The following STIM1 variants were observed in gnomAD, a reference collection of about 807,000 sequenced individuals.
STIM1 encodes stromal interaction molecule 1.
In STIM1, 25 loss-of-function variants were observed where a neutral mutation model predicts 74.7. That is an observed-to-expected ratio of 0.33 (90% CI 0.24 to 0.47). STIM1 has a LOEUF of 0.47. STIM1 is among the 20% of genes least tolerant of loss of function. The pLI is 1.00. For synonymous variants in STIM1, 328 were observed against 348.8 expected (o/e 0.94, Z 0.66); for missense variants, 728 against 920.8 (o/e 0.79, Z 2.71).
intron 12 of STIM1, 166 bp downstream of exon 12, chr11:4,086,709 T>TACCACC (rs753506968): frequency 2.6e-6 from 4 of 1,538,192 alleles, no homozygotes; most frequent in South Asian, 2.4e-5. Context: ...CCATCACCAC[T>TACCACC]ACCACCACCA....
intron 3 of STIM1, among the ~76,000 whole-genome samples, chr11:4,049,201 G>C (rs1327162517): frequency 3.3e-5 from 5 of 152,114 alleles, no homozygotes; most frequent in Non-Finnish European, 5.9e-5. Flanking sequence ...TGTTATGACA[G>C]AAAATCCTTT....
chr11:3,967,502 G>T (rs1261603072), intron 1 of STIM1, 50 bp from the exon 2 acceptor site: 2 of 1,613,302 alleles, frequency 1.2e-6, no homozygotes, highest in Non-Finnish European at 1.7e-6. Flanking sequence ...TGGGTGATAG[G>T]TTCTGGGTGG....
chr11:3,950,480 G>A lies in STIM1; in HGVS notation c.140-17072G>A, dbSNP rs149219310. ...TCATGTACCATTGTACATAAGTACT[G>A]GAGTTTAACCATTCACTTGTTGAAG... On this transcript the variant is annotated intron_variant, in intron 1 of 12. Transcript: ENST00000526596. Among the ~76,000 whole-genome samples the A allele has an allele frequency of 7.5e-3, 1,141 of 152,200 alleles. 11 individuals carry two copies. The highest frequency in any genetic ancestry group is 0.012 in the Admixed American group (191 of 15,288).
Position 3,856,089 on chromosome 11 carries a change from C to T in STIM1, c.-182C>T. The T allele has an allele frequency of 2.7e-6, 2 of 729,296 alleles. No homozygotes were observed. Among genetic ancestry groups the T allele is most frequent in the East Asian group, 2.7e-5 (1 of 36,720 alleles). The allele number at this position is 729,296 out of a possible 1,614,324, so 45.2% of individuals were successfully genotyped here. A position where few individuals can be genotyped will look rare whatever the true frequency, so the allele number is the denominator to read the frequency against. On this transcript the variant is annotated 5_prime_UTR_variant, in exon 1 of 13. Coordinates refer to ENST00000526596, the MANE Select transcript of STIM1 (RefSeq NM_001382567.1). ...CTGAGGAGCCAGCCCTCCTCCCGCA[C>T]CCAAACTTGGAGCACTTGACCTTTG...
chr11:3,859,499 G>A (rs535849473), intron 1 of STIM1, among the ~76,000 whole-genome samples: 26 of 152,226 alleles, frequency 1.7e-4, no homozygotes, highest in Admixed American at 7.8e-4. Context: ...GACCTCAGGT[G>A]GAGTCTGGAG....
intron 4 of STIM1, among the ~76,000 whole-genome samples, chr11:4,058,175 A>C (rs1294282866): frequency 1.3e-5 from 2 of 152,236 alleles, no homozygotes; most frequent in African/African-American, 4.8e-5. Flanking sequence ...TGTAGGAAGC[A>C]TCTGATTTTA....
chr11:4,055,502 G>A, intron 3 of STIM1, 24 bp from the exon 4 acceptor site: 1 of 1,550,852 alleles, frequency 6.4e-7, no homozygotes, highest in Non-Finnish European at 8.8e-7. Flanking sequence ...CTAGAGTCAT[G>A]GCTTTGCTTG....
At chr11:4,003,291 A>T (rs1268176412) in intron 2 of STIM1, among the ~76,000 whole-genome samples, 1 of 150,904 alleles carries the variant, frequency 6.6e-6, no homozygotes, top group Non-Finnish European at 1.5e-5. Context: ...ACCAAAAAAG[A>T]GAATTTTAGA....
intron 1 of STIM1, among the ~76,000 whole-genome samples, chr11:3,915,594 T>G (rs2092631885): frequency 6.6e-6 from 1 of 152,018 alleles, no homozygotes; most frequent in Non-Finnish European, 1.5e-5. Flanking sequence ...AGACGGGGTT[T>G]CACGGTGTTA....
chr11:4,014,153 T>C (rs2093871876), intron 2 of STIM1, among the ~76,000 whole-genome samples: 1 of 152,216 alleles, frequency 6.6e-6, no homozygotes, highest in Non-Finnish European at 1.5e-5. Context: ...GGGTGTCGAT[T>C]TTAGATCTTT....
At chr11:4,073,025 C>T (rs1190955760) in intron 6 of STIM1, among the ~76,000 whole-genome samples, 4 of 144,600 alleles carry the variant, frequency 2.8e-5, no homozygotes, top group Non-Finnish European at 6.0e-5. Context: ...AAGTCTCCGC[C>T]ACTGATAGCT....
At chr11:3,864,417 G>A (rs2090765932) in intron 1 of STIM1, among the ~76,000 whole-genome samples, 1 of 152,186 alleles carries the variant, frequency 6.6e-6, no homozygotes, top group African/African-American at 2.4e-5. Context: ...GTTGGCTGGG[G>A]CTGAAGACTC....
intron 1 of STIM1, among the ~76,000 whole-genome samples, chr11:3,869,576 TAA>T (rs922910664): frequency 6.6e-6 from 1 of 152,284 alleles, no homozygotes; most frequent in Middle Eastern, 3.4e-3. Context: ...TGGGAAAAAG[TAA>T]AGAGTCTTTG....
chr11:4,061,723 C>G (rs2094332125), intron 5 of STIM1, among the ~76,000 whole-genome samples: 1 of 151,744 alleles, frequency 6.6e-6, no homozygotes, highest in African/African-American at 2.4e-5. Context: ...TCACAAGAGC[C>G]AAAAAATAAA....
At chr11:3,899,177 C>G (rs1209806209) in intron 1 of STIM1, among the ~76,000 whole-genome samples, 4 of 152,090 alleles carry the variant, frequency 2.6e-5, no homozygotes, top group African/African-American at 4.8e-5. Flanking sequence ...TTGTTTGTAT[C>G]CTCTTTTATT....
chr11:4,083,154 G>C, intron 9 of STIM1, 109 bp from the exon 10 acceptor site: 1 of 1,296,854 alleles, frequency 7.7e-7, no homozygotes, highest in Non-Finnish European at 1.1e-6. Flanking sequence ...AGTTTATTGT[G>C]TGTTTTATTC....
chr11:3,997,403 A>G (rs1423283676), intron 2 of STIM1, among the ~76,000 whole-genome samples: 1 of 152,154 alleles, frequency 6.6e-6, no homozygotes, highest in Non-Finnish European at 1.5e-5. Flanking sequence ...CACCTGTAGT[A>G]CCAGCTACTT....
At chr11:3,936,479 A>ACGT (rs2092932833) in intron 1 of STIM1, among the ~76,000 whole-genome samples, 1 of 152,232 alleles carries the variant, frequency 6.6e-6, no homozygotes, top group Non-Finnish European at 1.5e-5. Context: ...AGGCAGAACA[A>ACGT]CGTGCCTTTT....
chr11:3,927,673 A>C (rs892609962), intron 1 of STIM1, among the ~76,000 whole-genome samples: 1 of 152,166 alleles, frequency 6.6e-6, no homozygotes. Flanking sequence ...CGGTTATATT[A>C]CAGTGGCTAG....
Sources: allele counts gnomAD v4.1 joint callset (sites outside exome capture counted in the v4.1 genomes callset), GRCh38; gene constraint gnomAD v4.1.1; transcripts MANE v1.5; gene names NCBI Gene and HGNC (gene_info 2026-07-23, HGNC 2026-07-21).